PPA2: variants seen among roughly 807,000 people sequenced by gnomAD.
The protein encoded by PPA2 is inorganic pyrophosphatase 2, also known as inorganic pyrophosphatase 2, mitochondrial.
Under a neutral mutation model 49.5 loss-of-function variants are expected in PPA2, and 48 were observed. The ratio of observed to expected loss-of-function variants is 0.97; its 90% CI spans 0.77 to 1.23. PPA2 has a LOEUF of 1.23. PPA2 is among the 50% of genes most tolerant of loss of function. PPA2 has a pLI of 0.00. For missense variants in PPA2, 429 were observed against 410.1 expected (o/e 1.05, Z -0.40); for synonymous variants, 131 against 139.9 (o/e 0.94, Z 0.45).
At chr4:105,460,970 A>G (rs1054081847) in intron 1 of PPA2, among the ~76,000 whole-genome samples, 11 of 151,924 alleles carry the variant, frequency 7.2e-5, no homozygotes, top group Admixed American at 4.6e-4. Flanking sequence ...TATTTCATGA[A>G]ATAGTATTAA....
chr4:105,373,464 T>A (rs1467973172), intron 10 of PPA2, among the ~76,000 whole-genome samples: 4 of 85,636 alleles, frequency 4.7e-5, no homozygotes, highest in South Asian at 3.4e-4. Context: ...CAATACAAAA[T>A]TTTTTTTCTC....
chr4:105,414,949 G>A (rs900378235), intron 7 of PPA2, among the ~76,000 whole-genome samples: 17 of 152,106 alleles, frequency 1.1e-4, no homozygotes, highest in African/African-American at 3.9e-4. Context: ...TGAGCCTGAG[G>A]CCCACTGAGA....
intron 4 of PPA2, among the ~76,000 whole-genome samples, chr4:105,446,707 C>A (rs945028824): frequency 6.6e-6 from 1 of 152,052 alleles, no homozygotes; most frequent in African/African-American, 2.4e-5. Flanking sequence ...AAAGGAAACA[C>A]CAGATCATAT....
At chr4:105,381,494 A>G (rs1733486392) in intron 10 of PPA2, among the ~76,000 whole-genome samples, 1 of 152,076 alleles carries the variant, frequency 6.6e-6, no homozygotes, top group Non-Finnish European at 1.5e-5. Flanking sequence ...GATGAAAAAA[A>G]TAGACTGACT....
intron 1 of PPA2, among the ~76,000 whole-genome samples, chr4:105,469,432 T>C (rs563256569): frequency 5.3e-5 from 8 of 152,342 alleles, no homozygotes; most frequent in East Asian, 1.9e-4. Context: ...AGTGAGAAAA[T>C]TGAATGGAAT....
chr4:105,390,422 G>A (rs1276995587), intron 9 of PPA2, among the ~76,000 whole-genome samples: 2 of 151,586 alleles, frequency 1.3e-5, no homozygotes, highest in Admixed American at 1.3e-4. Flanking sequence ...CCTGACAAAG[G>A]TCTAGTATCC....
chr4:105,445,303 T>G (rs1392631972), intron 5 of PPA2, among the ~76,000 whole-genome samples: 1 of 152,172 alleles, frequency 6.6e-6, no homozygotes, highest in East Asian at 1.9e-4. Context: ...TTTTCAACCT[T>G]TTGCTGTTGG....
At chr4:105,441,410 A>G (rs989208051) in intron 5 of PPA2, among the ~76,000 whole-genome samples, 101 of 152,282 alleles carry the variant, frequency 6.6e-4, no homozygotes, top group Non-Finnish European at 1.1e-3. Context: ...TCAAAAACCT[A>G]AAAATCTTAT....
At chr4:105,444,595 G>A (rs1313265293) in intron 5 of PPA2, among the ~76,000 whole-genome samples, 1 of 152,180 alleles carries the variant, frequency 6.6e-6, no homozygotes, top group East Asian at 1.9e-4. Context: ...ATCCAGAGGA[G>A]CACAGAAGTT....
At chr4:105,467,821 A>G (rs1214112012) in intron 1 of PPA2, among the ~76,000 whole-genome samples, 1 of 152,152 alleles carries the variant, frequency 6.6e-6, no homozygotes, top group Non-Finnish European at 1.5e-5. Context: ...TAAAGAGAGA[A>G]ACAAGTTCGG....
intron 1 of PPA2, among the ~76,000 whole-genome samples, chr4:105,465,462 T>C (rs1251885436): frequency 6.6e-6 from 1 of 152,172 alleles, no homozygotes; most frequent in Non-Finnish European, 1.5e-5. Flanking sequence ...ACTGCTTCTT[T>C]GCTCTCCAGT....
At chr4:105,385,326 GT>G (rs1733636904) in intron 10 of PPA2, among the ~76,000 whole-genome samples, 1 of 148,690 alleles carries the variant, frequency 6.7e-6, no homozygotes, top group African/African-American at 2.5e-5. Context: ...AAGGGCAGAG[GT>G]TTTTGTGTCT....
At chr4:105,383,337 A>G (rs1204327183) in intron 10 of PPA2, among the ~76,000 whole-genome samples, 1 of 152,110 alleles carries the variant, frequency 6.6e-6, no homozygotes, top group Non-Finnish European at 1.5e-5. Flanking sequence ...GATATTTTCT[A>G]TTTTGTTTCT....
chr4:105,472,452 C>T (rs914378416), intron 1 of PPA2, among the ~76,000 whole-genome samples: 1 of 152,188 alleles, frequency 6.6e-6, no homozygotes, highest in African/African-American at 2.4e-5. Context: ...CTATTAATTA[C>T]CGTACTTATT....
At position 105,437,930 on chromosome 4, in the gene PPA2, A is replaced by G; in HGVS notation, c.528+20T>C. ...TAAACCAAAACTCACGTTAGAATTAATACAGTCTATAAAACAAACCTTTGA... is the reference window on the plus strand; with the variant it reads ...TAAACCAAAACTCACGTTAGAATTAGTACAGTCTATAAAACAAACCTTTGA... On this transcript the variant is annotated intron_variant, in intron 6 of 11. Transcript: ENST00000341695. 6.4e-7 allele frequency: 1 copy of G among 1,567,622 alleles called. No individual in the cohort carries two copies. Among genetic ancestry groups the G allele is most frequent in the African/African-American group, 1.4e-5 (1 of 71,962 alleles).
chr4:105,399,376 A>T, intron 7 of PPA2: 1 of 359,742 alleles, frequency 2.8e-6, no homozygotes, highest in Non-Finnish European at 4.9e-6. Context: ...CCTGCACTCT[A>T]CAAACATTTA....
Position 105,449,394 on chromosome 4 carries a change from T to G in PPA2, c.277A>C (p.Asn93His), listed in dbSNP as rs1272632560. The change falls in exon 4 of 12, where the codon AAT becomes CAT. Residue 93 changes from asparagine to histidine, a missense_variant. Asn to His is a moderately conservative substitution (Grantham distance 68). Transcript: ENST00000341695. ...CACCGAGGTATTTCTACAATCATAT[T>G]AAACAGATTCTGCAGTTAAAAACAA... The part of the protein sequence containing the change: ...ARNDEYENLF[N>H]MIVEIPRWTN... 4 of 1,576,722 alleles carry G rather than the reference T, an allele frequency of 2.5e-6. No homozygotes were observed. The highest frequency in any genetic ancestry group is 3.5e-6 in the Non-Finnish European group (4 of 1,154,156).
chr4:105,473,931 G>A lies in PPA2; in HGVS notation c.120C>T (p.Arg40=). The A allele has an allele frequency of 6.2e-7, 1 of 1,608,170 alleles. No individual in the cohort carries two copies. The change falls in exon 1 of 12, where the codon CGC becomes CGT. Residue 40 remains arginine (R), a synonymous_variant. Transcript: ENST00000341695. ...GGTAATTCTGCGAGCAGGGCTGGCC[G>A]CGCTCCTCAGTGTGGTACAGGGCCA... ...RAMALYHTEE[R]GQPCSQNYRL...
intron 5 of PPA2, among the ~76,000 whole-genome samples, chr4:105,444,348 C>T (rs1039091273): frequency 6.6e-6 from 1 of 152,146 alleles, no homozygotes. Flanking sequence ...TGTATTTTAT[C>T]TTTTAAGCAA....
Sources: allele counts gnomAD v4.1 joint callset (sites outside exome capture counted in the v4.1 genomes callset), GRCh38; gene constraint gnomAD v4.1.1; transcripts MANE v1.5; gene names NCBI Gene and HGNC (gene_info 2026-07-23, HGNC 2026-07-21).